HS6ST3: variants seen among roughly 807,000 people sequenced by gnomAD.
HS6ST3 encodes heparan sulfate 6-O-sulfotransferase 3, also known as heparan-sulfate 6-O-sulfotransferase 3.
A neutral mutation model predicts 36.7 loss-of-function variants in HS6ST3; 12 were observed. The observed-to-expected ratio is 0.33, with a 90% CI of 0.21 to 0.53. The LOEUF is 0.53. HS6ST3 is among the 20% of genes least tolerant of loss of function. The pLI, the probability that HS6ST3 is intolerant of heterozygous loss-of-function variation, is 0.95. For missense variants in HS6ST3, 584 were observed against 640.9 expected, an observed-to-expected ratio of 0.91 and a Z score of 0.96; for synonymous variants, 240 against 257.5, an observed-to-expected ratio of 0.93 and a Z score of 0.65.
chr13:96,090,895 G>T lies in HS6ST3; in HGVS notation c.33G>T (p.Thr11=). 1 of 1,513,726 alleles carries T rather than the reference G, an allele frequency of 6.6e-7. No individual in the cohort carries two copies. Among genetic ancestry groups the T allele is most frequent in the Non-Finnish European group, 8.9e-7 (1 of 1,126,154 alleles). 93.8% of individuals were successfully genotyped at this position (1,513,726 alleles called of 1,614,324 possible). Residue 11 remains threonine (T), a synonymous_variant, in exon 1 of 2, where the codon ACG becomes ACT. Transcript: ENST00000376705. MDERFNKWLL[T]PVLTLLFVVI... ...AAAGGTTCAACAAGTGGCTGCTGAC[G>T]CCGGTGCTCACTCTCCTCTTCGTGG...
At chr13:96,375,112 A>C (rs2055308426) in intron 1 of HS6ST3, among the ~76,000 whole-genome samples, 2 of 151,916 alleles carry the variant, frequency 1.3e-5, no homozygotes, top group Non-Finnish European at 2.9e-5. Flanking sequence ...GGGTCTCTGC[A>C]TTTGCTCTTC....
chr13:96,732,355 G>A (rs1876177333), intron 1 of HS6ST3, among the ~76,000 whole-genome samples: 1 of 151,990 alleles, frequency 6.6e-6, no homozygotes, highest in Non-Finnish European at 1.5e-5. Context: ...TTTGTATATG[G>A]TGTGATATAA....
At chr13:96,144,811 C>A (rs1594693085) in intron 1 of HS6ST3, among the ~76,000 whole-genome samples, 1 of 109,636 alleles carries the variant, frequency 9.1e-6, no homozygotes, top group African/African-American at 3.5e-5. Context: ...CCCCACCACA[C>A]AACAGGCCCC....
intron 1 of HS6ST3, among the ~76,000 whole-genome samples, chr13:96,740,292 A>G (rs1400084046): frequency 6.6e-6 from 1 of 152,174 alleles, no homozygotes; most frequent in Non-Finnish European, 1.5e-5. Flanking sequence ...TTGGTTCCTC[A>G]TATGTGCATG....
At chr13:96,326,184 T>C (rs1015240293) in intron 1 of HS6ST3, among the ~76,000 whole-genome samples, 1 of 152,086 alleles carries the variant, frequency 6.6e-6, no homozygotes, top group Non-Finnish European at 1.5e-5. Flanking sequence ...TTTTTAATTT[T>C]TTTTTATTAT....
chr13:96,218,951 G>A (rs2054441045), intron 1 of HS6ST3, among the ~76,000 whole-genome samples: 1 of 152,136 alleles, frequency 6.6e-6, no homozygotes, highest in South Asian at 2.1e-4. Context: ...TATCTGTTGA[G>A]TCTTTTTCTG....
chr13:96,653,500 G>A (rs1408921611), intron 1 of HS6ST3, among the ~76,000 whole-genome samples: 1 of 151,998 alleles, frequency 6.6e-6, no homozygotes, highest in African/African-American at 2.4e-5. Flanking sequence ...GAGAATGATG[G>A]TTTCCAGCTT....
At chr13:96,108,231 T>C (rs2053851175) in intron 1 of HS6ST3, among the ~76,000 whole-genome samples, 1 of 152,328 alleles carries the variant, frequency 6.6e-6, no homozygotes, top group Admixed American at 6.5e-5. Flanking sequence ...CTTATGCAGT[T>C]GTAGATAGGG....
intron 1 of HS6ST3, among the ~76,000 whole-genome samples, chr13:96,096,391 T>C (rs997897135): frequency 1.2e-4 from 19 of 152,202 alleles, no homozygotes; most frequent in African/African-American, 4.3e-4. Context: ...TAACTACTGA[T>C]GTTGTAAAAG....
At position 96,787,836 on chromosome 13, in the gene HS6ST3, A is replaced by G. The variant is rs1877689395; in HGVS notation, c.708-44654A>G. 2.0e-5 allele frequency among the ~76,000 whole-genome samples: 3 copies of G among 152,004 alleles called. No homozygotes were observed. The South Asian group carries it at 6.2e-4, about 31-fold the overall frequency. On this transcript the variant is annotated intron_variant, in intron 1 of 1. Transcript: ENST00000376705. The stretch of plus-strand genomic sequence containing the variant: ...TTGTAAGGACTCTCAGCCTAACTCA[A>G]AGTCAGGAAGGTTTTCACTGGTTTT...
intron 1 of HS6ST3, among the ~76,000 whole-genome samples, chr13:96,672,432 T>C (rs2056685633): frequency 6.6e-6 from 1 of 152,200 alleles, no homozygotes; most frequent in African/African-American, 2.4e-5. Flanking sequence ...TAGAAGGTCA[T>C]CTCAAGAGCC....
intron 1 of HS6ST3, among the ~76,000 whole-genome samples, chr13:96,344,605 T>G (rs1441979454): frequency 8.5e-5 from 13 of 152,242 alleles, no homozygotes; most frequent in Admixed American, 8.5e-4. Flanking sequence ...TTTTGGTGTG[T>G]GTTTATTAAA....
At chr13:96,436,908 A>G (rs891610167) in intron 1 of HS6ST3, among the ~76,000 whole-genome samples, 17 of 152,292 alleles carry the variant, frequency 1.1e-4, no homozygotes, top group African/African-American at 3.8e-4. Context: ...TGAACATTCA[A>G]ATACATTTAT....
chr13:96,702,542 G>A (rs1245893156), intron 1 of HS6ST3, among the ~76,000 whole-genome samples: 16 of 152,186 alleles, frequency 1.1e-4, no homozygotes, highest in Non-Finnish European at 2.2e-4. Flanking sequence ...CCAGAGTACA[G>A]TGCGGATCAT....
At chr13:96,191,962 A>T (rs892542347) in intron 1 of HS6ST3, among the ~76,000 whole-genome samples, 9 of 152,186 alleles carry the variant, frequency 5.9e-5, no homozygotes, top group Non-Finnish European at 8.8e-5. Flanking sequence ...CAGAGAGCAT[A>T]GGCAGCTTAG....
At chr13:96,788,755 A>T (rs920269218) in intron 1 of HS6ST3, among the ~76,000 whole-genome samples, 4 of 151,714 alleles carry the variant, frequency 2.6e-5, no homozygotes, top group African/African-American at 9.7e-5. Context: ...TGGTGAATTG[A>T]CCCTCTTATT....
At chr13:96,137,665 C>T (rs1007527952) in intron 1 of HS6ST3, among the ~76,000 whole-genome samples, 1 of 152,058 alleles carries the variant, frequency 6.6e-6, no homozygotes, top group East Asian at 1.9e-4. Context: ...AACTCCTGAC[C>T]CATGATCCAC....
At chr13:96,823,923 C>T (rs1878595917) in intron 1 of HS6ST3, among the ~76,000 whole-genome samples, 1 of 152,144 alleles carries the variant, frequency 6.6e-6, no homozygotes, top group Non-Finnish European at 1.5e-5. Context: ...AGTCTATTTT[C>T]TTCTTTTTTA....
At chr13:96,816,954 G>A (rs894219370) in intron 1 of HS6ST3, among the ~76,000 whole-genome samples, 7 of 152,092 alleles carry the variant, frequency 4.6e-5, no homozygotes, top group African/African-American at 1.7e-4. Context: ...CTGCCCAGGT[G>A]TGGTACGAGA....
Sources: allele counts gnomAD v4.1 joint callset (sites outside exome capture counted in the v4.1 genomes callset), GRCh38; gene constraint gnomAD v4.1.1; transcripts MANE v1.5; gene names NCBI Gene and HGNC (gene_info 2026-07-23, HGNC 2026-07-21).